The following SMIM22 variants were observed in gnomAD, a reference collection of about 807,000 sequenced individuals.
SMIM22 encodes the protein cancer associated small integral membrane open reading frame 1.
Under a neutral mutation model 8.4 loss-of-function variants are expected in SMIM22, and 16 were observed. That is an observed-to-expected ratio of 1.90 (90% confidence interval 1.29 to 2.89). The LOEUF is 2.89. Among genes scored for constraint, SMIM22 ranks in the 30% most tolerant of loss-of-function variants. The pLI is 0.00. For missense variants in SMIM22, 159 were observed against 107.5 expected (o/e 1.48, Z -2.12); for synonymous variants, 67 against 47.6 (o/e 1.41, Z -1.68).
intron 1 of SMIM22, 81 bp downstream of exon 1, chr16:4,795,530 A>G: frequency 1.4e-6 from 1 of 690,560 alleles, no homozygotes; most frequent in Non-Finnish European, 2.3e-6. Context: ...TTGTCAGGGT[A>G]AGGACCACAG....
upstream of SMIM22, among the ~76,000 whole-genome samples, chr16:4,790,528 G>A (rs949390074): frequency 2.0e-5 from 3 of 152,186 alleles, no homozygotes; most frequent in African/African-American, 7.2e-5. Flanking sequence ...GTTGACTCAT[G>A]CTTGTAATCC....
At chr16:4,792,213 C>T (rs1555489881), upstream of SMIM22, among the ~76,000 whole-genome samples, 1 of 151,400 alleles carries the variant, frequency 6.6e-6, no homozygotes, top group Non-Finnish European at 1.5e-5. Flanking sequence ...TTTTTTGAGA[C>T]AGAGTCTCGC....
intron 1 of SMIM22, 87 bp downstream of exon 1, chr16:4,795,536 C>T: frequency 4.0e-6 from 3 of 745,544 alleles, no homozygotes; most frequent in Non-Finnish European, 6.3e-6. Flanking sequence ...GGGTAAGGAC[C>T]ACAGGGCTGG....
chr16:4,793,933 C>T (rs944675417), upstream of SMIM22, among the ~76,000 whole-genome samples: 1 of 151,682 alleles, frequency 6.6e-6, no homozygotes, highest in Non-Finnish European at 1.5e-5. Flanking sequence ...TATGCCACCG[C>T]ACCCAGCCAA....
At chr16:4,792,442 G>A (rs565826053), upstream of SMIM22, among the ~76,000 whole-genome samples, 872 of 149,558 alleles carry the variant, frequency 5.8e-3, 10 homozygotes, top group African/African-American at 0.019. Context: ...TGCCCCCCTC[G>A]GCCTCCCAAA....
chr16:4,796,281 A>G lies in SMIM22; in HGVS notation c.*50A>G, dbSNP rs1276251898. On this transcript the variant is annotated 3_prime_UTR_variant, in exon 4 of 4. Transcript: ENST00000586005. ...GTAACAAAGCCTTCTGTCTGCCCAG[A>G]GCCTGAGTCTGCAGTGTCTTCCAGT... 1.3e-6 allele frequency: 2 copies of G among 1,530,186 alleles called. No individual in the cohort carries two copies. The highest frequency in any genetic ancestry group is 2.4e-5 in the South Asian group (2 of 83,506). 94.8% of individuals were successfully genotyped at this position (1,530,186 alleles called of 1,614,324 possible).
chr16:4,791,105 G>C (rs1031071357), upstream of SMIM22, among the ~76,000 whole-genome samples: 8 of 152,370 alleles, frequency 5.3e-5, no homozygotes, highest in South Asian at 1.2e-3. Flanking sequence ...CCTCTGTGCA[G>C]AGAAAACACT....
At chr16:4,796,116 G>C (rs1267964098) in intron 3 of SMIM22, 68 bp downstream of exon 3, 5 of 1,534,586 alleles carry the variant, frequency 3.3e-6, no homozygotes, top group Non-Finnish European at 4.4e-6. Context: ...GGTGAGGGGA[G>C]TGGCGGGAAG....
upstream of SMIM22, among the ~76,000 whole-genome samples, chr16:4,794,253 G>T (rs573861717): frequency 6.7e-6 from 1 of 149,518 alleles, no homozygotes; most frequent in African/African-American, 2.5e-5. Context: ...GACTATAGGC[G>T]CGTGCCACCA....
upstream of SMIM22, among the ~76,000 whole-genome samples, chr16:4,790,802 A>T (rs185603251): frequency 6.6e-6 from 1 of 152,308 alleles, no homozygotes; most frequent in East Asian, 1.9e-4. Context: ...AAATAAATAA[A>T]TAAATAAATA....
rs139519777 is a variant in SMIM22, at chr16:4,789,542, G to A, written c.-146+771G>A. Among the ~76,000 whole-genome samples, 1,263 of 152,110 alleles carry A rather than the reference G, an allele frequency of 8.3e-3. 21 individuals carry two copies. The highest frequency in any genetic ancestry group is 0.029 in the African/African-American group (1,196 of 41,496). Reference sequence around the variant, plus strand: ...TGGTTTTCCCTGTGTTAGCCAGGATGGTCTCGATCTCCTGATCTCGTGATC... The same window carrying A: ...TGGTTTTCCCTGTGTTAGCCAGGATAGTCTCGATCTCCTGATCTCGTGATC... On this transcript the variant is annotated intron_variant, in intron 2 of 5. Coordinates refer to the SMIM22 transcript ENST00000589327.
chr16:4,791,778 C>T (rs184060083), upstream of SMIM22, among the ~76,000 whole-genome samples: 4 of 152,222 alleles, frequency 2.6e-5, no homozygotes, highest in African/African-American at 7.2e-5. Flanking sequence ...ACCTCTGCCT[C>T]CCGGGTTCAA....
In SMIM22 at chr16:4,795,937, C is replaced by T. The variant is rs576149079; in HGVS notation, c.125-11C>T. 3.3e-6 allele frequency: 5 copies of T among 1,517,828 alleles called. No homozygotes were observed. The Admixed American group carries it at 1.0e-4, about 31-fold the overall frequency. The allele number at this position is 1,517,828 out of a possible 1,614,324, so 94.0% of individuals were successfully genotyped here. On this transcript the variant is annotated splice_polypyrimidine_tract_variant and intron_variant, in intron 2 of 3. Transcript: ENST00000586005. ...GTTGGGGCCACACCTGGACGCCTGTCCTGTCCCCAGGCACCGTGCTGCTCC... is the reference window on the plus strand; with the variant it reads ...GTTGGGGCCACACCTGGACGCCTGTTCTGTCCCCAGGCACCGTGCTGCTCC...
intron 1 of SMIM22, 22 bp from the exon 2 acceptor site, chr16:4,795,693 A>G (rs564878464): frequency 1.4e-5 from 21 of 1,530,832 alleles, no homozygotes; most frequent in Admixed American, 9.9e-5. Context: ...ATCCTGATGC[A>G]GCCTCTGGGG....
chr16:4,795,912 G>C (rs906844347), intron 2 of SMIM22, 36 bp from the exon 3 acceptor site: 1 of 1,528,832 alleles, frequency 6.5e-7, no homozygotes, highest in Non-Finnish European at 8.7e-7. Flanking sequence ...TGGGCTCCAG[G>C]TTGGGGCCAC....
At chr16:4,792,191 G>A (rs1220153593), upstream of SMIM22, among the ~76,000 whole-genome samples, 4 of 151,712 alleles carry the variant, frequency 2.6e-5, no homozygotes, top group Non-Finnish European at 5.9e-5. Context: ...TTGTTCCCCT[G>A]CACTTTTCTT....
chr16:4,793,315 T>C (rs2082581168), upstream of SMIM22, among the ~76,000 whole-genome samples: 1 of 152,096 alleles, frequency 6.6e-6, no homozygotes, highest in South Asian at 2.1e-4. Context: ...ACTCTGACCT[T>C]CAGAACCATA....
At chr16:4,791,078 TC>T (rs1449824239), upstream of SMIM22, among the ~76,000 whole-genome samples, 3 of 152,304 alleles carry the variant, frequency 2.0e-5, no homozygotes, top group East Asian at 3.9e-4. Context: ...TCTGGGGATG[TC>T]CCCTAAGGAA....
Position 4,796,354 on chromosome 16 carries a change from C to A in SMIM22, c.*123C>A. 8.7e-7 allele frequency: 1 copy of A among 1,148,246 alleles called. No individual in the cohort carries two copies. The highest frequency in any genetic ancestry group is 1.2e-6 in the Non-Finnish European group (1 of 818,262). The allele number at this position is 1,148,246 out of a possible 1,614,324, so 71.1% of individuals were successfully genotyped here. A position where few individuals can be genotyped will look rare whatever the true frequency, so the allele number is the denominator to read the frequency against. On this transcript the variant is annotated 3_prime_UTR_variant, in exon 4 of 4. Coordinates refer to ENST00000586005, the MANE Select transcript of SMIM22 (RefSeq NM_001253794.2). ...GGACTCGCCGCCCCACTCAGGTGGC[C>A]ACCTGGCCTCTCCAAGCCTTCAGTC...
Sources: gnomAD v4.1 joint callset for allele counts (sites outside exome capture counted in the v4.1 genomes callset) on GRCh38, gnomAD v4.1.1 for gene constraint, MANE v1.5 for transcripts, NCBI Gene and HGNC (gene_info 2026-07-23, HGNC 2026-07-21) for gene names.